Variants in MEGF9 observed in about 807,000 individuals in gnomAD.
The protein encoded by MEGF9 is multiple epidermal growth factor-like domains protein 9.
A neutral mutation model predicts 46.8 loss-of-function variants in MEGF9; 6 were observed. The ratio of observed to expected loss-of-function variants is 0.13; its 90% CI spans 0.07 to 0.25. The LOEUF (loss-of-function observed/expected upper bound fraction) is 0.25, where lower values mean the gene tolerates loss of function less well. MEGF9 is among the 10% of genes least tolerant of loss of function. The pLI, the probability that MEGF9 is intolerant of heterozygous loss-of-function variation, is 1.00. For missense variants in MEGF9, 683 were observed against 792.4 expected (o/e 0.86, Z 1.66); for synonymous variants, 302 against 330.7 (o/e 0.91, Z 0.94).
intron 1 of MEGF9, among the ~76,000 whole-genome samples, chr9:120,668,792 G>A (rs568969276): frequency 6.6e-6 from 1 of 152,130 alleles, no homozygotes; most frequent in Non-Finnish European, 1.5e-5. Flanking sequence ...TGTGATGCAG[G>A]TACCTTAAGC....
chr9:120,641,564 T>C (rs140555304), intron 2 of MEGF9, among the ~76,000 whole-genome samples: 9 of 152,316 alleles, frequency 5.9e-5, no homozygotes, highest in African/African-American at 2.2e-4. Context: ...CCAACATAGA[T>C]CAGTGGTTCT....
intron 2 of MEGF9, among the ~76,000 whole-genome samples, chr9:120,633,132 T>C (rs2043557983): frequency 2.6e-5 from 4 of 152,210 alleles, no homozygotes. Flanking sequence ...AATTCCCTTC[T>C]CTTTGATTTT....
At chr9:120,675,284 T>G (rs1449435228) in intron 1 of MEGF9, among the ~76,000 whole-genome samples, 1 of 152,176 alleles carries the variant, frequency 6.6e-6, no homozygotes, top group African/African-American at 2.4e-5. Context: ...CTATGTCTGA[T>G]CTATTAAGTG....
At chr9:120,617,518 G>C (rs1451024556) in intron 3 of MEGF9, among the ~76,000 whole-genome samples, 4 of 152,214 alleles carry the variant, frequency 2.6e-5, no homozygotes, top group African/African-American at 9.6e-5. Flanking sequence ...AGGTCAGAGA[G>C]AAAGGCAGGG....
intron 1 of MEGF9, among the ~76,000 whole-genome samples, chr9:120,661,865 A>G (rs996217693): frequency 4.7e-4 from 71 of 152,338 alleles, no homozygotes; most frequent in African/African-American, 1.7e-3. Context: ...TGACCAGAAC[A>G]CTTAACATTT....
At chr9:120,711,871 A>ACACACACACACACACACACACACACCCC (rs145059704) in intron 1 of MEGF9, among the ~76,000 whole-genome samples, 3 of 150,102 alleles carry the variant, frequency 2.0e-5, no homozygotes, top group African/African-American at 7.5e-5. Context: ...ACACACACAC[A>ACACACACACACACACACACACACACCCC]CCCACAGGCC....
chr9:120,696,138 ACT>A (rs1334960382), intron 1 of MEGF9, among the ~76,000 whole-genome samples: 6 of 152,140 alleles, frequency 3.9e-5, no homozygotes, highest in African/African-American at 1.4e-4. Flanking sequence ...ATTACCTCTA[ACT>A]CCGTGGCCTG....
At chr9:120,631,253 T>A (rs377491123) in intron 2 of MEGF9, among the ~76,000 whole-genome samples, 1 of 152,244 alleles carries the variant, frequency 6.6e-6, no homozygotes, top group East Asian at 1.9e-4. Context: ...TCTCAATGAA[T>A]GTTTTTGGCA....
chr9:120,622,684 C>T lies in MEGF9; in HGVS notation c.875G>A (p.Gly292Asp). The change falls in exon 3 of 6, where the codon GGC (glycine) becomes GAC (aspartate). Residue 292 changes from glycine (G) to aspartate (D), a missense_variant. Physicochemically the swap from Gly to Asp is moderately conservative, Grantham distance 94. This residue lies in a region of MEGF9 where 313 missense variants were observed against 421.1 expected (regional missense o/e 0.74). Coordinates refer to ENST00000373930, the MANE Select transcript of MEGF9 (RefSeq NM_001080497.3). Reference sequence around the variant, plus strand: ...GGGCAAGCAGCCATTCTTACTAAAGCCATAATATCCATCTTGGCATCGGTC... The same window carrying T: ...GGGCAAGCAGCCATTCTTACTAAAGTCATAATATCCATCTTGGCATCGGTC... Reference protein sequence around the residue: ...ICDRCQDGYYGFSKNGCLPCQ... With the variant: ...ICDRCQDGYYDFSKNGCLPCQ... 6.2e-7 allele frequency: 1 copy of T among 1,613,796 alleles called. No homozygotes were observed. The highest frequency in any genetic ancestry group is 8.5e-7 in the Non-Finnish European group (1 of 1,179,830).
rs2043400891 is a variant in MEGF9 at position 120,602,382 on chromosome 9, G to GAACA, written c.*2804_*2807dup. On this transcript the variant is annotated 3_prime_UTR_variant, in exon 6 of 6. Coordinates refer to ENST00000373930, the MANE Select transcript of MEGF9 (RefSeq NM_001080497.3). ...ATGGGGCCCATGCCTTTAGAGGAAAGAACATTGTGCAGTGCATCCCATGCT... is the reference window on the plus strand; with the variant it reads ...ATGGGGCCCATGCCTTTAGAGGAAAGAACAAACATTGTGCAGTGCATCCCATGCT... The GAACA allele has an allele frequency of 1.3e-5, 2 of 152,658 alleles. No homozygotes were observed. The highest frequency in any genetic ancestry group is 1.5e-5 in the Non-Finnish European group (1 of 68,044). 9.5% of individuals were successfully genotyped at this position (152,658 alleles called of 1,614,324 possible).
intron 1 of MEGF9, among the ~76,000 whole-genome samples, chr9:120,664,569 A>G (rs1327479917): frequency 6.6e-6 from 1 of 152,238 alleles, no homozygotes; most frequent in East Asian, 1.9e-4. Flanking sequence ...CTGGTAAACT[A>G]AAATGATTAC....
At chr9:120,659,094 A>G (rs1257441051) in intron 2 of MEGF9, among the ~76,000 whole-genome samples, 1 of 152,238 alleles carries the variant, frequency 6.6e-6, no homozygotes, top group Non-Finnish European at 1.5e-5. Flanking sequence ...AAGCAGATTT[A>G]TTCTTCAATA....
chr9:120,691,637 T>C (rs1308928416), intron 1 of MEGF9, among the ~76,000 whole-genome samples: 3 of 152,208 alleles, frequency 2.0e-5, no homozygotes, highest in Non-Finnish European at 2.9e-5. Flanking sequence ...GTAACATCAA[T>C]TGAATTCTTT....
intron 1 of MEGF9, among the ~76,000 whole-genome samples, chr9:120,676,431 G>A (rs1237402192): frequency 6.6e-6 from 1 of 152,022 alleles, no homozygotes; most frequent in Non-Finnish European, 1.5e-5. Flanking sequence ...AGTAGTGGTG[G>A]CAGTAGTGGT....
intron 2 of MEGF9, among the ~76,000 whole-genome samples, chr9:120,658,272 C>A (rs2043686561): frequency 6.6e-6 from 1 of 152,216 alleles, no homozygotes; most frequent in Admixed American, 6.5e-5. Flanking sequence ...CAGGCGTGAG[C>A]CACCGCGCCC....
At chr9:120,615,361 C>A (rs1269537794) in intron 3 of MEGF9, among the ~76,000 whole-genome samples, 1 of 150,512 alleles carries the variant, frequency 6.6e-6, no homozygotes, top group Non-Finnish European at 1.5e-5. Flanking sequence ...GGCTACTGGG[C>A]TTATATGTTT....
At chr9:120,699,842 T>C (rs2043895638) in intron 1 of MEGF9, among the ~76,000 whole-genome samples, 1 of 152,152 alleles carries the variant, frequency 6.6e-6, no homozygotes. Flanking sequence ...AAGATTATTT[T>C]GTTTTCTCAA....
chr9:120,614,394 A>G (rs1034177479), intron 3 of MEGF9, among the ~76,000 whole-genome samples: 1 of 152,168 alleles, frequency 6.6e-6, no homozygotes, highest in African/African-American at 2.4e-5. Context: ...ATTAAATCAA[A>G]CTTGTATGTA....
At chr9:120,710,080 TTA>T in intron 1 of MEGF9, among the ~76,000 whole-genome samples, 1 of 150,090 alleles carries the variant, frequency 6.7e-6, no homozygotes, top group South Asian at 2.1e-4. Context: ...CCTTAGTGTC[TTA>T]CTGATTATTA....
Sources: allele counts gnomAD v4.1 joint callset (sites outside exome capture counted in the v4.1 genomes callset), GRCh38; gene constraint gnomAD v4.1.1; regional missense constraint gnomAD v4.1.1; transcripts MANE v1.5; gene names NCBI Gene and HGNC (gene_info 2026-07-23, HGNC 2026-07-21).